Variants in GRM7 observed in about 807,000 individuals in gnomAD.
GRM7 encodes metabotropic glutamate receptor 7.
In GRM7, 35 loss-of-function variants were observed where a neutral mutation model predicts 84.5. The observed-to-expected ratio is 0.41, with a 90% CI of 0.32 to 0.55. GRM7 has a LOEUF of 0.55. Ranked by LOEUF, GRM7 falls within the 20% of genes least tolerant of loss-of-function variation. The probability of loss-of-function intolerance (pLI) is 0.19; values close to 1 mark genes in which losing one functional copy is unlikely to be tolerated. For missense variants in GRM7, 1,003 were observed against 1,194.6 expected, an observed-to-expected ratio of 0.84 and a Z score of 2.36; for synonymous variants, 487 against 455.1, an observed-to-expected ratio of 1.07 and a Z score of -0.89.
intron 2 of GRM7, among the ~76,000 whole-genome samples, chr3:7,243,551 T>C (rs1323920300): frequency 6.6e-6 from 1 of 152,140 alleles, no homozygotes; most frequent in African/African-American, 2.4e-5. Context: ...TGACATCTCA[T>C]TGGTTCTGAA....
At chr3:7,125,010 G>A (rs1693349951) in intron 1 of GRM7, among the ~76,000 whole-genome samples, 1 of 152,114 alleles carries the variant, frequency 6.6e-6, no homozygotes, top group Non-Finnish European at 1.5e-5. Context: ...GCGGGTCTCA[G>A]CTCACTGCAA....
Position 7,352,099 on chromosome 3 carries a change from A to T in GRM7, c.1033+45447A>T, listed in dbSNP as rs577286741. The stretch of plus-strand genomic sequence containing the variant: ...CACACACACACACACACACACACAC[A>T]CTCATATTCTATTTTGTCTGTCTGG... On this transcript the variant is annotated intron_variant, in intron 4 of 9. Coordinates refer to ENST00000357716, the MANE Select transcript of GRM7 (RefSeq NM_000844.4). Among the ~76,000 whole-genome samples, 11 of 144,780 alleles carry T rather than the reference A, an allele frequency of 7.6e-5. No homozygotes were observed. The East Asian group carries it at 1.0e-3, about 14-fold the overall frequency. 95.0% of individuals were successfully genotyped at this position (144,780 alleles called of 152,430 possible). A position where few individuals can be genotyped will look rare whatever the true frequency, so the allele number is the denominator to read the frequency against.
chr3:7,638,703 C>T (rs576034565), intron 8 of GRM7, among the ~76,000 whole-genome samples: 6 of 152,302 alleles, frequency 3.9e-5, no homozygotes, highest in Admixed American at 1.3e-4. Context: ...TTAGAAGAAA[C>T]ATTTGCATTG....
chr3:7,058,045 A>G (rs1697292983), intron 1 of GRM7, among the ~76,000 whole-genome samples: 1 of 151,882 alleles, frequency 6.6e-6, no homozygotes, highest in African/African-American at 2.4e-5. Context: ...ATTTTTGACA[A>G]TCTGTAACTT....
At chr3:7,490,378 T>G (rs1559358404) in intron 7 of GRM7, among the ~76,000 whole-genome samples, 1 of 152,098 alleles carries the variant, frequency 6.6e-6, no homozygotes, top group Non-Finnish European at 1.5e-5. Context: ...CACATTATTC[T>G]CCTTTAAACC....
intron 1 of GRM7, chr3:6,956,675 G>C (rs1364806189): frequency 8.8e-6 from 4 of 454,652 alleles, no homozygotes; most frequent in African/African-American, 2.0e-5. Flanking sequence ...CTGCTCACAT[G>C]AATCTCTCGC....
intron 4 of GRM7, among the ~76,000 whole-genome samples, chr3:7,310,550 G>C (rs573328548): frequency 5.0e-4 from 76 of 152,030 alleles, no homozygotes; most frequent in Non-Finnish European, 8.4e-4. Context: ...TAGGTGAATG[G>C]GGAAAAAAAA....
chr3:7,390,503 T>A (rs956020998), intron 4 of GRM7, among the ~76,000 whole-genome samples: 41 of 152,274 alleles, frequency 2.7e-4, no homozygotes, highest in African/African-American at 9.4e-4. Context: ...TCACCTTATA[T>A]AATTTTATAT....
chr3:7,136,600 A>G (rs1467727983), intron 1 of GRM7, among the ~76,000 whole-genome samples: 1 of 152,080 alleles, frequency 6.6e-6, no homozygotes, highest in Non-Finnish European at 1.5e-5. Context: ...AAAGCAGCCC[A>G]TCAGAGACCT....
chr3:7,403,875 G>C (rs1330469558), intron 4 of GRM7, among the ~76,000 whole-genome samples: 1 of 151,538 alleles, frequency 6.6e-6, no homozygotes, highest in African/African-American at 2.4e-5. Context: ...AAATTAAGGG[G>C]ACCTTGTCTC....
intron 2 of GRM7, among the ~76,000 whole-genome samples, chr3:7,248,437 C>T (rs144852297): frequency 2.0e-5 from 3 of 151,926 alleles, no homozygotes; most frequent in Admixed American, 6.6e-5. Context: ...TGAGGAGTAT[C>T]GGAATAATAC....
intron 2 of GRM7, among the ~76,000 whole-genome samples, chr3:7,242,914 C>G (rs1032317704): frequency 6.6e-6 from 1 of 152,054 alleles, no homozygotes; most frequent in African/African-American, 2.4e-5. Context: ...CCAAAATTGA[C>G]AATGTGGAGC....
intron 7 of GRM7, among the ~76,000 whole-genome samples, chr3:7,508,538 C>G (rs1225218306): frequency 1.3e-5 from 2 of 152,002 alleles, no homozygotes; most frequent in Non-Finnish European, 2.9e-5. Flanking sequence ...CTGCTAAATA[C>G]TCATGAATGA....
intron 1 of GRM7, among the ~76,000 whole-genome samples, chr3:6,867,359 A>G (rs894911311): frequency 1.3e-5 from 2 of 152,014 alleles, no homozygotes; most frequent in Non-Finnish European, 2.9e-5. Flanking sequence ...CCCAACATTT[A>G]CTGTAATTGA....
intron 1 of GRM7, among the ~76,000 whole-genome samples, chr3:7,048,659 C>T (rs1294585604): frequency 6.6e-6 from 1 of 151,778 alleles, no homozygotes; most frequent in East Asian, 1.9e-4. Flanking sequence ...TATATATGGA[C>T]ACATATATGC....
intron 4 of GRM7, among the ~76,000 whole-genome samples, chr3:7,334,230 A>G (rs917649821): frequency 1.3e-5 from 2 of 152,054 alleles, no homozygotes; most frequent in African/African-American, 4.8e-5. Context: ...GTAAAGGAAA[A>G]CCTATCAGAT....
intron 2 of GRM7, among the ~76,000 whole-genome samples, chr3:7,295,069 A>T (rs1028652291): frequency 6.6e-6 from 1 of 152,236 alleles, no homozygotes; most frequent in African/African-American, 2.4e-5. Flanking sequence ...TTATATTCAA[A>T]AACTCATTGC....
chr3:7,720,839 C>T (rs1444910691), intron 9 of GRM7, among the ~76,000 whole-genome samples: 5 of 152,132 alleles, frequency 3.3e-5, no homozygotes, highest in Non-Finnish European at 5.9e-5. Context: ...TGATGTCAGC[C>T]CCTCCTCTCA....
rs551813860 is a variant in GRM7, at chr3:7,189,348, G to A, written c.736+42680G>A. On this transcript the variant is annotated intron_variant, in intron 2 of 9. Transcript: ENST00000357716. Reference sequence around the variant, plus strand: ...TTCCTGGGTCTCCTATCTTCCAGTTGTGGCACTGAACAAAGTATTATCCTT... The same window carrying A: ...TTCCTGGGTCTCCTATCTTCCAGTTATGGCACTGAACAAAGTATTATCCTT... Among the ~76,000 whole-genome samples the A allele has an allele frequency of 4.7e-4, 72 of 152,266 alleles. 1 individual carries two copies. In the South Asian group the frequency reaches 8.1e-3, roughly 17 times the overall value.
Sources: allele counts gnomAD v4.1 joint callset (sites outside exome capture counted in the v4.1 genomes callset), GRCh38; gene constraint gnomAD v4.1.1; transcripts MANE v1.5; gene names NCBI Gene and HGNC (gene_info 2026-07-23, HGNC 2026-07-21).